ATP9A: variants seen among roughly 807,000 people sequenced by gnomAD.
The protein encoded by ATP9A is ATPase phospholipid transporting 9A.
A neutral mutation model predicts 144.1 loss-of-function variants in ATP9A; 52 were observed. That is an observed-to-expected ratio of 0.36 (90% CI 0.29 to 0.45). The LOEUF (loss-of-function observed/expected upper bound fraction) is 0.45, where lower values mean the gene tolerates loss of function less well. ATP9A is among the 20% of genes least tolerant of loss of function. The pLI, the probability that ATP9A is intolerant of heterozygous loss-of-function variation, is 1.00. For synonymous variants in ATP9A, 582 were observed against 557.4 expected, an observed-to-expected ratio of 1.04 and a Z score of -0.62; for missense variants, 947 against 1,392.7, an observed-to-expected ratio of 0.68 and a Z score of 5.09.
intron 1 of ATP9A, among the ~76,000 whole-genome samples, chr20:51,766,519 G>C (rs982087318): frequency 6.6e-6 from 1 of 152,124 alleles, no homozygotes; most frequent in African/African-American, 2.4e-5. Context: ...CACTGTTCCA[G>C]GCATAGTGTT....
chr20:51,674,216 G>C lies in ATP9A; in HGVS notation c.974C>G (p.Ala325Gly). Residue 325 changes from alanine (A) to glycine (G), a missense_variant, in exon 11 of 28, where the codon GCA (alanine) becomes GGA (glycine). Around this residue, in one of 2 missense-constraint regions of ATP9A, gnomAD observed 770 missense variants for 1,047.9 expected, o/e 0.73. Transcript: ENST00000338821. The part of the protein sequence containing the change: ...SLVMVALQHF[A>G]GRWYLQIIRF... ...GATGATCTGCAGGTACCAACGGCCT[G>C]CAAAGTGCTGAAGGGCAACCATGAC... is the stretch of plus-strand genomic sequence containing the variant. 6.2e-7 allele frequency: 1 copy of C among 1,614,080 alleles called. No individual in the cohort carries two copies. Among genetic ancestry groups the C allele is most frequent in the South Asian group, 1.1e-5 (1 of 91,062 alleles).
chr20:51,655,551 C>T (rs1331018704), intron 14 of ATP9A, among the ~76,000 whole-genome samples: 3 of 152,094 alleles, frequency 2.0e-5, no homozygotes, highest in African/African-American at 7.2e-5. Flanking sequence ...AGGGGCCATC[C>T]GGAAAATACA....
intron 3 of ATP9A, among the ~76,000 whole-genome samples, chr20:51,715,594 A>G (rs2077658658): frequency 6.6e-6 from 1 of 152,184 alleles, no homozygotes; most frequent in Non-Finnish European, 1.5e-5. Context: ...CCTGCTGCAA[A>G]TAAATACCAC....
At chr20:51,718,373 T>TTG (rs1555840800) in intron 3 of ATP9A, among the ~76,000 whole-genome samples, 2 of 147,500 alleles carry the variant, frequency 1.4e-5, no homozygotes, top group Non-Finnish European at 3.0e-5. Context: ...TATGTGTGTG[T>TTG]GGGGGGGGGT....
At chr20:51,745,034 G>C (rs1424593101) in intron 1 of ATP9A, among the ~76,000 whole-genome samples, 1 of 152,106 alleles carries the variant, frequency 6.6e-6, no homozygotes, top group Non-Finnish European at 1.5e-5. Context: ...CCAGCACTTT[G>C]GGAGGCCAAG....
intron 4 of ATP9A, among the ~76,000 whole-genome samples, chr20:51,700,028 G>A (rs2077586987): frequency 6.6e-6 from 1 of 152,114 alleles, no homozygotes; most frequent in African/African-American, 2.4e-5. Context: ...GACTCTCCTA[G>A]TGTGAGTATT....
At chr20:51,710,258 G>A (rs1216292506) in intron 4 of ATP9A, among the ~76,000 whole-genome samples, 1 of 152,088 alleles carries the variant, frequency 6.6e-6, no homozygotes, top group Non-Finnish European at 1.5e-5. Context: ...AGCGAAGATC[G>A]CGACATTGCA....
At chr20:51,675,043 C>T (rs2077471420) in intron 10 of ATP9A, among the ~76,000 whole-genome samples, 1 of 152,124 alleles carries the variant, frequency 6.6e-6, no homozygotes, top group Admixed American at 6.6e-5. Flanking sequence ...ATCTCCTGGC[C>T]TCAGGTGATC....
intron 1 of ATP9A, among the ~76,000 whole-genome samples, chr20:51,741,331 A>G (rs2077784499): frequency 6.6e-6 from 1 of 152,240 alleles, no homozygotes; most frequent in South Asian, 2.1e-4. Context: ...CTGTAATCCC[A>G]GTACTTTGGG....
At chr20:51,760,933 G>A (rs1302481972) in intron 1 of ATP9A, among the ~76,000 whole-genome samples, 1 of 151,844 alleles carries the variant, frequency 6.6e-6, no homozygotes, top group East Asian at 1.9e-4. Flanking sequence ...GGAGGCTGAA[G>A]CAGAGAATTG....
intron 1 of ATP9A, among the ~76,000 whole-genome samples, chr20:51,731,199 G>A (rs2077739542): frequency 6.6e-6 from 1 of 152,028 alleles, no homozygotes; most frequent in African/African-American, 2.4e-5. Flanking sequence ...AGCTACTCGG[G>A]AGGCTGAGGC....
At chr20:51,685,163 T>C (rs2077517788) in intron 9 of ATP9A, among the ~76,000 whole-genome samples, 1 of 152,192 alleles carries the variant, frequency 6.6e-6, no homozygotes, top group South Asian at 2.1e-4. Context: ...CCAAACACAC[T>C]GCTGGCTAGA....
Position 51,694,119 on chromosome 20 carries a change from G to A in ATP9A, c.548-17C>T, listed in dbSNP as rs2077560429. On this transcript the variant is annotated splice_polypyrimidine_tract_variant and intron_variant, in intron 6 of 27. Transcript: ENST00000338821. ...AGCATGACCCTGTGGAAGGAAGTCG[G>A]GTGCCGTCACCTGCACCTCAAGCAC... 6.2e-7 allele frequency: 1 copy of A among 1,610,636 alleles called. No homozygotes were observed. The highest frequency in any genetic ancestry group is 2.2e-5 in the East Asian group (1 of 44,790).
intron 13 of ATP9A, among the ~76,000 whole-genome samples, chr20:51,669,111 C>T (rs1044903543): frequency 1.1e-4 from 16 of 152,154 alleles, no homozygotes; most frequent in African/African-American, 3.6e-4. Context: ...TCTGGCTCAG[C>T]CTTGGATGTG....
chr20:51,674,057 CAAT>C (rs1223288661), intron 11 of ATP9A, 93 bp downstream of exon 11: 34 of 1,405,084 alleles, frequency 2.4e-5, no homozygotes, highest in Middle Eastern at 1.8e-4. Flanking sequence ...TCTCAGAAAA[CAAT>C]AATAATAATA....
intron 14 of ATP9A, among the ~76,000 whole-genome samples, chr20:51,641,070 T>A (rs564278365): frequency 4.9e-4 from 74 of 151,780 alleles, no homozygotes; most frequent in African/African-American, 1.3e-3. Flanking sequence ...AAAAAAAAAT[T>A]TTTTAATTAT....
chr20:51,623,509 G>A (rs930220880), intron 18 of ATP9A, among the ~76,000 whole-genome samples: 3 of 152,230 alleles, frequency 2.0e-5, no homozygotes, highest in South Asian at 2.1e-4. Flanking sequence ...AGCCAGGCGC[G>A]GTGGCTTACG....
chr20:51,719,173 G>A (rs890028409), intron 3 of ATP9A, among the ~76,000 whole-genome samples: 1 of 151,730 alleles, frequency 6.6e-6, no homozygotes, highest in African/African-American at 2.4e-5. Flanking sequence ...ATGGGGTCTG[G>A]AGCATTCCTT....
chr20:51,644,264 T>C (rs1568800269), intron 14 of ATP9A, among the ~76,000 whole-genome samples: 1 of 125,482 alleles, frequency 8.0e-6, no homozygotes, highest in South Asian at 2.9e-4. Flanking sequence ...CTTTTACTTC[T>C]AGCTTTTTTT....
Sources: gnomAD v4.1 joint callset for allele counts (sites outside exome capture counted in the v4.1 genomes callset) on GRCh38, gnomAD v4.1.1 for gene constraint, gnomAD v4.1.1 regional missense constraint, MANE v1.5 for transcripts, NCBI Gene and HGNC (gene_info 2026-07-23, HGNC 2026-07-21) for gene names.